Variants in WDR11 observed in about 807,000 individuals in gnomAD.
WDR11 encodes WD repeat domain 11.
Under a neutral mutation model 151.2 loss-of-function variants are expected in WDR11, and 83 were observed. The ratio of observed to expected loss-of-function variants is 0.55; its 90% CI spans 0.46 to 0.66. WDR11 has a LOEUF of 0.66. Among genes scored for constraint, WDR11 ranks in the 30% least tolerant of loss-of-function variants. The pLI is 0.00. For synonymous variants in WDR11, 484 were observed against 533.1 expected (o/e 0.91, Z 1.27); for missense variants, 1,301 against 1,480.9 (o/e 0.88, Z 1.99).
At chr10:120,878,790 CTT>C (rs1203728831) in intron 12 of WDR11, among the ~76,000 whole-genome samples, 1 of 152,062 alleles carries the variant, frequency 6.6e-6, no homozygotes, top group African/African-American at 2.4e-5. Flanking sequence ...TGTCAATGGA[CTT>C]TATTAGAGTC....
rs773871168 is a variant in WDR11 at position 120,867,187 on chromosome 10, C to T, written c.1294+18C>T. The T allele has an allele frequency of 1.1e-5, 17 of 1,561,276 alleles. No individual in the cohort carries two copies. In the East Asian group the frequency reaches 2.5e-4, roughly 23 times the overall value. ...CATGATTGGTAAGCTTTTTTCCCCT[C>T]TAACTCCATGTTAAGTATTCTTTCT... On this transcript the variant is annotated intron_variant, in intron 9 of 28. Coordinates refer to ENST00000263461, the MANE Select transcript of WDR11 (RefSeq NM_018117.12).
At chr10:120,851,570 G>A (rs1276604724) in intron 1 of WDR11, 64 bp downstream of exon 1, 1 of 1,561,962 alleles carries the variant, frequency 6.4e-7, no homozygotes, top group Non-Finnish European at 8.7e-7. Context: ...GAAGGGGGAA[G>A]GACAAGAGGT....
Position 120,904,082 on chromosome 10 carries a change from G to T in WDR11, c.2967G>T (p.Val989=). 6.2e-7 allele frequency: 1 copy of T among 1,613,458 alleles called. No homozygotes were observed. Among genetic ancestry groups the T allele is most frequent in the African/African-American group, 1.3e-5 (1 of 75,016 alleles). ...FQLERVNLQE[V]KRSTYDHTRK... ...TAGAAAGGGTTAATCTGCAGGAAGT[G>T]AAACGGTCAACTTATGATCATACAA... Residue 989 remains valine, a synonymous_variant, in exon 24 of 29, where the codon GTG becomes GTT. Coordinates refer to ENST00000263461, the MANE Select transcript of WDR11 (RefSeq NM_018117.12).
intron 9 of WDR11, among the ~76,000 whole-genome samples, chr10:120,869,952 G>A (rs1413884819): frequency 6.7e-6 from 1 of 149,186 alleles, no homozygotes; most frequent in Non-Finnish European, 1.5e-5. Context: ...ACCACACCCA[G>A]CTAATTTTTG....
chr10:120,857,419 A>G (rs1430566946), intron 2 of WDR11, among the ~76,000 whole-genome samples: 1 of 152,198 alleles, frequency 6.6e-6, no homozygotes, highest in Non-Finnish European at 1.5e-5. Flanking sequence ...CAGAATCTAT[A>G]AATAACTAGA....
At position 120,873,993 on chromosome 10, in the gene WDR11, A is replaced by G. The variant is rs1846641408; in HGVS notation, c.1556+70A>G. Reference sequence around the variant, plus strand: ...AAAAAAAATTCTCATAGACTTTTCTACATTGAGTACTCTGTAATATCTGCA... The same window carrying G: ...AAAAAAAATTCTCATAGACTTTTCTGCATTGAGTACTCTGTAATATCTGCA... On this transcript the variant is annotated intron_variant, in intron 11 of 28. Transcript: ENST00000263461. 57 of 969,942 alleles carry G rather than the reference A, an allele frequency of 5.9e-5. 1 individual carries two copies. The South Asian group carries it at 7.2e-4, about 12-fold the overall frequency. 60.1% of individuals were successfully genotyped at this position (969,942 alleles called of 1,614,324 possible).
intron 9 of WDR11, 40 bp from the exon 10 acceptor site, chr10:120,871,130 C>T (rs980895599): frequency 4.4e-6 from 7 of 1,601,142 alleles, no homozygotes; most frequent in Non-Finnish European, 5.1e-6. Context: ...GATCAGCATA[C>T]ACTGTAGTTA....
chr10:120,886,564 G>C (rs967263688), intron 15 of WDR11, 125 bp from the exon 16 acceptor site: 23 of 1,232,508 alleles, frequency 1.9e-5, no homozygotes, highest in Non-Finnish European at 2.6e-5. Flanking sequence ...ATTAGTTTCA[G>C]ACTTTTAAAA....
intron 28 of WDR11, 55 bp from the exon 29 acceptor site, chr10:120,908,501 G>T (rs1237228274): frequency 6.3e-7 from 1 of 1,591,842 alleles, no homozygotes; most frequent in African/African-American, 1.3e-5. Flanking sequence ...CTGGGAGCCT[G>T]TGAAGAGTCT....
Position 120,904,679 on chromosome 10 carries a change from A to C in WDR11, c.3061A>C (p.Ser1021Arg). The C allele has an allele frequency of 9.9e-6, 16 of 1,614,240 alleles. No individual in the cohort carries two copies. Among genetic ancestry groups the C allele is most frequent in the Non-Finnish European group, 1.4e-5 (16 of 1,180,036 alleles). Residue 1021 changes from serine to arginine, a missense_variant, in exon 25 of 29, where the codon AGT becomes CGT. Physicochemically the swap from Ser to Arg is moderately radical, Grantham distance 110. Transcript: ENST00000263461. ...DRAVQLLLETSADNQHYYCDS... is the reference protein window; with the variant it reads ...DRAVQLLLETRADNQHYYCDS... ...AGCTGTGCAGTTGCTGTTGGAAACA[A>C]GTGCAGATAACCAGCATTATTACTG...
intron 9 of WDR11, among the ~76,000 whole-genome samples, chr10:120,868,363 A>T (rs1846391622): frequency 6.6e-6 from 1 of 152,116 alleles, no homozygotes; most frequent in African/African-American, 2.4e-5. Context: ...CTGAGGCAGG[A>T]GAATCGCTTG....
intron 9 of WDR11, among the ~76,000 whole-genome samples, chr10:120,869,574 T>C (rs1010337164): frequency 6.6e-6 from 1 of 152,160 alleles, no homozygotes; most frequent in African/African-American, 2.4e-5. Flanking sequence ...TTAGTGAAAA[T>C]TCAAAGCAAT....
At chr10:120,906,639 T>A in intron 27 of WDR11, 137 bp from the exon 28 acceptor site, 1 of 1,549,900 alleles carries the variant, frequency 6.5e-7, no homozygotes, top group East Asian at 2.4e-5. Flanking sequence ...AAACTAGGGC[T>A]TAGAAAAGTG....
rs182317414 is a variant in WDR11, at chr10:120,856,733, A to G, written c.199-1910A>G. Among the ~76,000 whole-genome samples the G allele has an allele frequency of 4.5e-3, 685 of 151,816 alleles. 3 individuals are homozygous for G. The highest frequency in any genetic ancestry group is 0.016 in the African/African-American group (649 of 41,446). On this transcript the variant is annotated intron_variant, in intron 2 of 28. Coordinates refer to ENST00000263461, the MANE Select transcript of WDR11 (RefSeq NM_018117.12). ...TTTTCAATAGTTTGATTATTAAAATATATATATATATGGCTTGGAGTTTAC... is the reference window on the plus strand; with the variant it reads ...TTTTCAATAGTTTGATTATTAAAATGTATATATATATGGCTTGGAGTTTAC...
Position 120,908,995 on chromosome 10 carries a change from TTTTAA to T in WDR11, c.*286_*290del. The T allele has an allele frequency of 2.6e-6, 1 of 387,200 alleles. No homozygotes were observed. The highest frequency in any genetic ancestry group is 4.7e-6 in the Non-Finnish European group (1 of 211,694). 24.0% of individuals were successfully genotyped at this position (387,200 alleles called of 1,614,324 possible). ...AGCTTTAAGAGTCCCTGGAAATACT[TTTTAA>T]TTTTTTTAACTTAAAATTCAAGAGA... On this transcript the variant is annotated 3_prime_UTR_variant, in exon 29 of 29. Coordinates refer to ENST00000263461, the MANE Select transcript of WDR11 (RefSeq NM_018117.12).
At chr10:120,887,621 G>A (rs1385727918) in intron 16 of WDR11, among the ~76,000 whole-genome samples, 1 of 152,252 alleles carries the variant, frequency 6.6e-6, no homozygotes, top group Non-Finnish European at 1.5e-5. Flanking sequence ...AAGTGTAATG[G>A]GACAGAAGGA....
chr10:120,861,120 G>C (rs1482923714), intron 4 of WDR11, among the ~76,000 whole-genome samples: 3 of 152,188 alleles, frequency 2.0e-5, no homozygotes, highest in African/African-American at 4.8e-5. Flanking sequence ...GCTTCACTTT[G>C]ATAATGATCA....
At chr10:120,864,781 ATAT>A (rs1846257976) in intron 5 of WDR11, among the ~76,000 whole-genome samples, 7 of 152,178 alleles carry the variant, frequency 4.6e-5, no homozygotes, top group Admixed American at 4.6e-4. Flanking sequence ...GTCTTGTGTA[ATAT>A]TAATAACTTA....
In WDR11 at chr10:120,873,796, A is replaced by G; in HGVS notation, c.1472-43A>G. ...AAGACTTTTCTTGCAAAGTGCTGGAACTCCCACTGAATTAATGCTCTTCCA... is the reference window on the plus strand; with the variant it reads ...AAGACTTTTCTTGCAAAGTGCTGGAGCTCCCACTGAATTAATGCTCTTCCA... On this transcript the variant is annotated intron_variant, in intron 10 of 28. Transcript: ENST00000263461. 3 of 1,325,526 alleles carry G rather than the reference A, an allele frequency of 2.3e-6. No individual in the cohort carries two copies. In the Admixed American group the frequency reaches 5.0e-5, roughly 22 times the overall value. The allele number at this position is 1,325,526 out of a possible 1,614,324, so 82.1% of individuals were successfully genotyped here.
Sources: allele counts gnomAD v4.1 joint callset (sites outside exome capture counted in the v4.1 genomes callset), GRCh38; gene constraint gnomAD v4.1.1; transcripts MANE v1.5; gene names NCBI Gene and HGNC (gene_info 2026-07-23, HGNC 2026-07-21).